The following SGCG variants were observed in gnomAD, a reference collection of about 807,000 sequenced individuals.
SGCG encodes the protein sarcoglycan gamma, also known as gamma-sarcoglycan.
In SGCG, 26 loss-of-function variants were observed where a neutral mutation model predicts 29.3. The observed-to-expected ratio is 0.89, with a 90% CI of 0.65 to 1.23. The LOEUF (loss-of-function observed/expected upper bound fraction) is 1.23. SGCG is among the 50% of genes most tolerant of loss of function. The probability of loss-of-function intolerance (pLI) is 0.00; values close to 1 mark genes in which losing one functional copy is unlikely to be tolerated. For synonymous variants in SGCG, 145 were observed against 129.7 expected, an observed-to-expected ratio of 1.12 and a Z score of -0.80; for missense variants, 353 against 356.0, an observed-to-expected ratio of 0.99 and a Z score of 0.07.
At chr13:23,191,611 A>G (rs1877256059) in intron 1 of SGCG, among the ~76,000 whole-genome samples, 2 of 152,224 alleles carry the variant, frequency 1.3e-5, no homozygotes, top group Admixed American at 6.5e-5. Flanking sequence ...TGATCATCAT[A>G]AAATTATCCT....
chr13:23,249,959 A>G (rs1056990534), intron 3 of SGCG, among the ~76,000 whole-genome samples: 3 of 152,234 alleles, frequency 2.0e-5, no homozygotes, highest in Non-Finnish European at 4.4e-5. Context: ...TGTTTTAAAT[A>G]ATCAACTCAG....
intron 2 of SGCG, among the ~76,000 whole-genome samples, chr13:23,211,174 A>T (rs958029973): frequency 2.4e-4 from 36 of 152,278 alleles, no homozygotes; most frequent in African/African-American, 8.4e-4. Context: ...GCCTGCTGCG[A>T]GGCAAGGACT....
Position 23,272,533 on chromosome 13 carries a change from C to T in SGCG, c.386-6826C>T, listed in dbSNP as rs1000300092. ...ATATTATTTTCTTAATGTGGTGTTG[C>T]GCTGTGCTTCTTTCTGGTACTTCTA... On this transcript the variant is annotated intron_variant, in intron 4 of 7. Transcript: ENST00000218867. Among the ~76,000 whole-genome samples, 44 of 152,224 alleles carry T rather than the reference C, an allele frequency of 2.9e-4. 1 individual carries two copies. Among genetic ancestry groups the T allele is most frequent in the African/African-American group, 1.0e-3 (42 of 41,538 alleles).
At chr13:23,201,315 C>G (rs9510623) in intron 1 of SGCG, among the ~76,000 whole-genome samples, 54,207 of 151,938 alleles carry the variant, frequency 0.36, 9,714 homozygotes, top group Middle Eastern at 0.38. Context: ...ATGGCCCCCA[C>G]AGACATTCGT....
chr13:23,315,356 G>C (rs568889499), intron 6 of SGCG, among the ~76,000 whole-genome samples: 16 of 152,138 alleles, frequency 1.1e-4, no homozygotes, highest in African/African-American at 3.6e-4. Context: ...AAATGGATGT[G>C]GTATATATGC....
At chr13:23,289,150 T>G (rs75038170) in intron 5 of SGCG, among the ~76,000 whole-genome samples, 5,001 of 152,330 alleles carry the variant, frequency 0.033, 130 homozygotes, top group Non-Finnish European at 0.055. Context: ...AGGAGTACCA[T>G]ATCCTTCAAA....
chr13:23,195,775 A>C (rs1877477867), intron 1 of SGCG, among the ~76,000 whole-genome samples: 1 of 152,068 alleles, frequency 6.6e-6, no homozygotes, highest in South Asian at 2.1e-4. Flanking sequence ...CTATTTTGCT[A>C]TATTTAGTGT....
chr13:23,239,018 AAAG>A (rs1566012638), intron 3 of SGCG, among the ~76,000 whole-genome samples: 1 of 152,184 alleles, frequency 6.6e-6, no homozygotes, highest in African/African-American at 2.4e-5. Context: ...TGGCATCTCC[AAAG>A]AAGAAGAAAG....
chr13:23,210,614 C>T (rs1878159492), intron 2 of SGCG, among the ~76,000 whole-genome samples: 1 of 152,092 alleles, frequency 6.6e-6, no homozygotes, highest in Non-Finnish European at 1.5e-5. Flanking sequence ...TGCGGTGAAC[C>T]CGGGAGGCGG....
At chr13:23,279,729 T>TCCTTCCTTCCTTCCTTCCTTC (rs1190683399) in intron 5 of SGCG, among the ~76,000 whole-genome samples, 2 of 151,676 alleles carry the variant, frequency 1.3e-5, no homozygotes, top group Non-Finnish European at 2.9e-5. Flanking sequence ...CTCCCTTCCT[T>TCCTTCCTTCCTTCCTTCCTTC]CTTTTTTTTT....
chr13:23,202,277 G>A (rs1877798789), intron 1 of SGCG, among the ~76,000 whole-genome samples: 1 of 152,212 alleles, frequency 6.6e-6, no homozygotes, highest in South Asian at 2.1e-4. Flanking sequence ...GGAGCTTACT[G>A]ACATTTTACA....
At chr13:23,284,148 G>A (rs1566030863) in intron 5 of SGCG, among the ~76,000 whole-genome samples, 1 of 152,084 alleles carries the variant, frequency 6.6e-6, no homozygotes, top group Non-Finnish European at 1.5e-5. Flanking sequence ...TTGAATGTTG[G>A]CCTGTCTTGC....
intron 1 of SGCG, among the ~76,000 whole-genome samples, chr13:23,182,802 C>T (rs1876795706): frequency 6.6e-6 from 1 of 152,156 alleles, no homozygotes; most frequent in African/African-American, 2.4e-5. Flanking sequence ...GCTTGCTGTG[C>T]CCAAAGGCGT....
chr13:23,290,216 A>T (rs1306020638), intron 5 of SGCG, among the ~76,000 whole-genome samples: 1 of 152,196 alleles, frequency 6.6e-6, no homozygotes. Context: ...CGTAAATTGA[A>T]GATAATCTGG....
upstream of SGCG, among the ~76,000 whole-genome samples, chr13:23,180,310 T>C (rs1876686461): frequency 6.6e-6 from 1 of 151,020 alleles, no homozygotes; most frequent in African/African-American, 2.4e-5. Context: ...CAATTTAAGG[T>C]CACATTTGTT....
At chr13:23,317,170 G>A (rs1015271593) in intron 6 of SGCG, among the ~76,000 whole-genome samples, 2 of 151,448 alleles carry the variant, frequency 1.3e-5, no homozygotes, top group African/African-American at 4.8e-5. Context: ...ACTGCAGCCT[G>A]GGCAACAGAG....
At chr13:23,310,156 G>A (rs1300329748) in intron 6 of SGCG, among the ~76,000 whole-genome samples, 10 of 138,188 alleles carry the variant, frequency 7.2e-5, no homozygotes, top group South Asian at 2.3e-4. Context: ...ACACGATCTC[G>A]GCTCACTGCA....
At chr13:23,309,281 G>A (rs868152153) in intron 6 of SGCG, among the ~76,000 whole-genome samples, 14 of 152,086 alleles carry the variant, frequency 9.2e-5, no homozygotes, top group Non-Finnish European at 1.3e-4. Context: ...GGAAGATGGG[G>A]TCTTGTTATA....
the SGCG span, among the ~76,000 whole-genome samples, chr13:23,167,192 T>C: frequency 6.6e-6 from 1 of 152,328 alleles, no homozygotes; most frequent in East Asian, 1.9e-4. Flanking sequence ...AACATAATGT[T>C]CTCCTGTTCC....
Sources: allele counts gnomAD v4.1 joint callset (sites outside exome capture counted in the v4.1 genomes callset), GRCh38; gene constraint gnomAD v4.1.1; transcripts MANE v1.5; gene names NCBI Gene and HGNC (gene_info 2026-07-23, HGNC 2026-07-21).